GALNT13: variants seen among roughly 807,000 people sequenced by gnomAD.
The protein encoded by GALNT13 is UDP-GalNAc:polypeptide N-acetylgalactosaminyltransferase 13.
A neutral mutation model predicts 64.2 loss-of-function variants in GALNT13; 28 were observed. The observed-to-expected ratio is 0.44, with a 90% CI of 0.32 to 0.60. GALNT13 has a LOEUF of 0.60. Ranked by LOEUF, GALNT13 falls within the 20% of genes least tolerant of loss-of-function variation. GALNT13 has a pLI of 0.05. For missense variants in GALNT13, 577 were observed against 669.8 expected, an observed-to-expected ratio of 0.86 and a Z score of 1.53; for synonymous variants, 214 against 224.6, an observed-to-expected ratio of 0.95 and a Z score of 0.42.
the GALNT13 span, among the ~76,000 whole-genome samples, chr2:153,448,944 A>G: frequency 1.5e-3 from 224 of 152,260 alleles, no homozygotes; most frequent in African/African-American, 5.1e-3. Flanking sequence ...TAGGATTAGT[A>G]TCCTTATAAG....
At chr2:153,236,827 T>C in the GALNT13 span, among the ~76,000 whole-genome samples, 1 of 152,138 alleles carries the variant, frequency 6.6e-6, no homozygotes. Context: ...TCAAGTGTTA[T>C]TATTTAAGAA....
the GALNT13 span, among the ~76,000 whole-genome samples, chr2:153,552,575 CTTTTT>C: frequency 4.9e-3 from 343 of 69,346 alleles, 2 homozygotes; most frequent in East Asian, 0.022. Flanking sequence ...GCTTCTTCTT[CTTTTT>C]TTTTTTTTTT....
intron 9 of GALNT13, among the ~76,000 whole-genome samples, chr2:154,354,582 C>G (rs1169764781): frequency 6.6e-6 from 1 of 150,722 alleles, no homozygotes; most frequent in Non-Finnish European, 1.5e-5. Flanking sequence ...TTGAGTTATT[C>G]TTTCTGGATG....
At chr2:154,162,106 A>G (rs1684767534) in intron 4 of GALNT13, among the ~76,000 whole-genome samples, 6 of 152,192 alleles carry the variant, frequency 3.9e-5, no homozygotes, top group Non-Finnish European at 8.8e-5. Flanking sequence ...CTTTTGAAAA[A>G]TTATATTGTG....
chr2:154,128,556 A>G (rs1000963925), intron 3 of GALNT13, among the ~76,000 whole-genome samples: 2 of 152,162 alleles, frequency 1.3e-5, no homozygotes, highest in African/African-American at 4.8e-5. Context: ...AATGATTGTG[A>G]GTAAATACAA....
chr2:153,634,800 C>T, the GALNT13 span, among the ~76,000 whole-genome samples: 3 of 151,874 alleles, frequency 2.0e-5, no homozygotes, highest in Non-Finnish European at 4.4e-5. Context: ...CTGCCTGCCT[C>T]GGCCTCCCAA....
chr2:153,414,478 A>ATT, the GALNT13 span, among the ~76,000 whole-genome samples: 54 of 138,176 alleles, frequency 3.9e-4, no homozygotes, highest in South Asian at 2.7e-3. Flanking sequence ...GGATAAAAAG[A>ATT]TTTTTTTTTT....
chr2:154,291,792 G>A (rs545752664), intron 8 of GALNT13, among the ~76,000 whole-genome samples: 105 of 152,402 alleles, frequency 6.9e-4, no homozygotes, highest in Admixed American at 1.6e-3. Flanking sequence ...CAGCAAGAGC[G>A]GACGCTGAGG....
chr2:153,191,641 G>A, the GALNT13 span, among the ~76,000 whole-genome samples: 1 of 151,520 alleles, frequency 6.6e-6, no homozygotes, highest in Non-Finnish European at 1.5e-5. Context: ...AGGAGCATTG[G>A]TACTTGTTCT....
chr2:153,855,428 A>G, the GALNT13 span, among the ~76,000 whole-genome samples: 1 of 152,230 alleles, frequency 6.6e-6, no homozygotes, highest in Non-Finnish European at 1.5e-5. Flanking sequence ...TGGGCAAATT[A>G]CCTGGCTAGG....
At chr2:154,183,019 G>A (rs1234364604) in intron 4 of GALNT13, among the ~76,000 whole-genome samples, 1 of 152,042 alleles carries the variant, frequency 6.6e-6, no homozygotes, top group African/African-American at 2.4e-5. Context: ...TTTTGGTTTG[G>A]TATCAGAATA....
chr2:153,440,075 A>G, the GALNT13 span, among the ~76,000 whole-genome samples: 11,335 of 152,056 alleles, frequency 0.075, 493 homozygotes, highest in South Asian at 0.15. Context: ...CTACATAGGT[A>G]TTTCTCCTAA....
At chr2:154,154,934 T>TTGTG (rs60456139) in intron 4 of GALNT13, among the ~76,000 whole-genome samples, 12,342 of 149,324 alleles carry the variant, frequency 0.083, 655 homozygotes, top group Middle Eastern at 0.13. Flanking sequence ...TTGTTTATGT[T>TTGTG]TGTGTGTGTG....
At chr2:153,144,284 G>T in the GALNT13 span, among the ~76,000 whole-genome samples, 3 of 151,860 alleles carry the variant, frequency 2.0e-5, no homozygotes, top group Non-Finnish European at 2.9e-5. Flanking sequence ...ATCTAGTATT[G>T]GTTCTGCTAC....
At chr2:153,887,858 A>C (rs1214988659) in intron 1 of GALNT13, among the ~76,000 whole-genome samples, 2 of 152,016 alleles carry the variant, frequency 1.3e-5, no homozygotes, top group African/African-American at 2.4e-5. Context: ...AACATTTTAA[A>C]ACATTGCCAT....
At chr2:153,995,563 G>A (rs1695467671) in intron 3 of GALNT13, among the ~76,000 whole-genome samples, 1 of 151,824 alleles carries the variant, frequency 6.6e-6, no homozygotes, top group African/African-American at 2.4e-5. Flanking sequence ...TGTTTATAGG[G>A]TACAGTGTGT....
intron 3 of GALNT13, among the ~76,000 whole-genome samples, chr2:154,052,887 C>A (rs776258780): frequency 6.6e-5 from 10 of 151,952 alleles, no homozygotes; most frequent in Non-Finnish European, 1.3e-4. Context: ...CAGGCGCCCG[C>A]CACCATGCCC....
At chr2:153,492,978 C>A in the GALNT13 span, among the ~76,000 whole-genome samples, 1 of 151,836 alleles carries the variant, frequency 6.6e-6, no homozygotes, top group Non-Finnish European at 1.5e-5. Flanking sequence ...ATTAAATGCT[C>A]AAACTGAATG....
At chr2:153,824,866 A>G in the GALNT13 span, among the ~76,000 whole-genome samples, 1 of 152,008 alleles carries the variant, frequency 6.6e-6, no homozygotes, top group African/African-American at 2.4e-5. Context: ...GCCGTGTAAG[A>G]TGTGCCTGCT....
Sources: allele counts gnomAD v4.1 joint callset (sites outside exome capture counted in the v4.1 genomes callset), GRCh38; gene constraint gnomAD v4.1.1; transcripts MANE v1.5; gene names NCBI Gene and HGNC (gene_info 2026-07-23, HGNC 2026-07-21).